MTARC2: variants seen among roughly 807,000 people sequenced by gnomAD.
MTARC2 encodes the protein mitochondrial amidoxime reducing component 2, also known as MOCO sulphurase C-terminal domain containing 2.
In MTARC2, 27 loss-of-function variants were observed where a neutral mutation model predicts 35.6. That is an observed-to-expected ratio of 0.76 (90% CI 0.56 to 1.04). The LOEUF (loss-of-function observed/expected upper bound fraction) is 1.04, where lower values mean the gene tolerates loss of function less well. MTARC2 is among the 50% of genes least tolerant of loss of function. The probability of loss-of-function intolerance (pLI) is 0.00; values close to 1 mark genes in which losing one functional copy is unlikely to be tolerated. For synonymous variants in MTARC2, 158 were observed against 167.1 expected (o/e 0.95, Z 0.42); for missense variants, 412 against 432.5 (o/e 0.95, Z 0.42).
chr1:220,755,091 G>A lies in MTARC2; in HGVS notation c.417G>A (p.Gln139=). 2 of 1,611,154 alleles carry A rather than the reference G, an allele frequency of 1.2e-6. No individual in the cohort carries two copies. Among genetic ancestry groups the A allele is most frequent in the Non-Finnish European group, 1.7e-6 (2 of 1,178,760 alleles). The change falls in exon 2 of 8, where the codon CAG becomes CAA. Residue 139 remains glutamine (Q), a synonymous_variant. Transcript: ENST00000366913. The stretch of plus-strand genomic sequence containing the variant: ...ACCAGCTGGTTTTGCCTAGCAAGCA[G>A]CCTTCCTCAAACAAACTCCACAACT... ...DMDQLVLPSK[Q]PSSNKLHNCR...
At position 220,761,695 on chromosome 1, in the gene MTARC2, A is replaced by G. The variant is rs1486878442; in HGVS notation, c.484A>G (p.Asn162Asp). 8 of 1,613,950 alleles carry G rather than the reference A, an allele frequency of 5.0e-6. No homozygotes were observed. In the South Asian group the frequency reaches 7.7e-5, roughly 16 times the overall value. The change falls in exon 3 of 8, where the codon AAT becomes GAT. Residue 162 changes from asparagine (N) to aspartate (D), a missense_variant. Asn to Asp is a conservative substitution (Grantham distance 23, BLOSUM62 1). Transcript: ENST00000366913. Reference protein sequence around the residue: ...GLDIKGRDCGNEAAKWFTNFL... With the variant: ...GLDIKGRDCGDEAAKWFTNFL... ...TGACATTAAAGGCAGAGACTGTGGC[A>G]ATGAGGCAGCTAAGTGGTTCACCAA...
rs77576961 is a variant in MTARC2, at chr1:220,778,593, G to A, written c.751-1425G>A. Among the ~76,000 whole-genome samples the A allele has an allele frequency of 5.5e-3, 840 of 152,312 alleles. 6 individuals carry two copies. The East Asian group carries it at 0.056, about 10-fold the overall frequency. ...AACAGTAGGGATGACAATCCGATAT[G>A]AGATTTGGTGGGGACACAGATCCAA... On this transcript the variant is annotated intron_variant, in intron 4 of 7. Coordinates refer to ENST00000366913, the MANE Select transcript of MTARC2 (RefSeq NM_017898.5).
intron 2 of MTARC2, among the ~76,000 whole-genome samples, chr1:220,755,343 G>A (rs138665045): frequency 2.2e-3 from 332 of 152,234 alleles, no homozygotes; most frequent in African/African-American, 7.6e-3. Flanking sequence ...GGTTAGACAC[G>A]CAGACATAGA....
intron 2 of MTARC2, among the ~76,000 whole-genome samples, chr1:220,755,690 G>C (rs1306873658): frequency 6.6e-6 from 1 of 152,164 alleles, no homozygotes; most frequent in Non-Finnish European, 1.5e-5. Context: ...GCAGACTCTG[G>C]ATGGGTTGGT....
chr1:220,764,759 G>A (rs377194108), intron 4 of MTARC2, among the ~76,000 whole-genome samples: 3 of 150,762 alleles, frequency 2.0e-5, no homozygotes, highest in African/African-American at 2.4e-5. Flanking sequence ...GTGACAGAGC[G>A]AGAACCTGTG....
chr1:220,780,446 G>C (rs1376194737), intron 6 of MTARC2, among the ~76,000 whole-genome samples: 1 of 144,714 alleles, frequency 6.9e-6, no homozygotes, highest in Admixed American at 7.2e-5. Context: ...CTAGTGCTTT[G>C]GATAAACTTT....
chr1:220,777,974 G>A (rs1671962300), intron 4 of MTARC2, among the ~76,000 whole-genome samples: 2 of 152,164 alleles, frequency 1.3e-5, no homozygotes, highest in Admixed American at 1.3e-4. Flanking sequence ...GGGTGCGGTG[G>A]CTTACACCCT....
At chr1:220,754,220 T>C (rs1409512738) in intron 1 of MTARC2, 1 of 428,156 alleles carries the variant, frequency 2.3e-6, no homozygotes, top group Middle Eastern at 3.4e-4. Flanking sequence ...CCTAACCAAC[T>C]GGGCCTGGCC....
chr1:220,748,859 G>A (rs575525971), intron 1 of MTARC2, 56 bp downstream of exon 1: 1 of 1,486,104 alleles, frequency 6.7e-7, no homozygotes, highest in South Asian at 1.3e-5. Flanking sequence ...TGAGGAGCGG[G>A]GGGGCAGGTG....
intron 4 of MTARC2, among the ~76,000 whole-genome samples, chr1:220,771,296 C>CAAAAAAA (rs57776178): frequency 0.08 from 4,540 of 57,026 alleles, 618 homozygotes; most frequent in African/African-American, 0.15. Flanking sequence ...GAGACTGTCT[C>CAAAAAAA]AAAAAAAAAA....
At chr1:220,748,838 C>T in intron 1 of MTARC2, 35 bp downstream of exon 1, 2 of 1,531,322 alleles carry the variant, frequency 1.3e-6, no homozygotes, top group Non-Finnish European at 1.8e-6. Context: ...CAGCGCGGAG[C>T]CTGCCTGGGA....
chr1:220,772,873 A>G (rs1671783449), intron 4 of MTARC2, among the ~76,000 whole-genome samples: 1 of 152,212 alleles, frequency 6.6e-6, no homozygotes, highest in Non-Finnish European at 1.5e-5. Context: ...AATAGAAAAA[A>G]TAACTTTCGG....
At chr1:220,763,452 A>G (rs1296422985) in intron 4 of MTARC2, among the ~76,000 whole-genome samples, 1 of 152,240 alleles carries the variant, frequency 6.6e-6, no homozygotes, top group African/African-American at 2.4e-5. Flanking sequence ...CCCAAAGTGC[A>G]GACCAAGAGG....
intron 4 of MTARC2, among the ~76,000 whole-genome samples, chr1:220,773,452 T>C (rs975866164): frequency 6.6e-6 from 1 of 152,136 alleles, no homozygotes; most frequent in Admixed American, 6.5e-5. Flanking sequence ...AGTAAAGCCT[T>C]TTTTGAGTTC....
chr1:220,763,090 G>A, intron 4 of MTARC2, 40 bp downstream of exon 4: 1 of 1,613,970 alleles, frequency 6.2e-7, no homozygotes, highest in Non-Finnish European at 8.5e-7. Flanking sequence ...GCTCAGATGT[G>A]CTGCTCGCGG....
chr1:220,760,936 T>G (rs2102550810), intron 2 of MTARC2, among the ~76,000 whole-genome samples: 1 of 152,336 alleles, frequency 6.6e-6, no homozygotes, highest in Non-Finnish European at 1.5e-5. Flanking sequence ...AAAAGCATAA[T>G]GTAATCATTT....
intron 4 of MTARC2, among the ~76,000 whole-genome samples, chr1:220,764,342 T>C (rs1254796096): frequency 6.6e-6 from 1 of 152,108 alleles, no homozygotes; most frequent in Non-Finnish European, 1.5e-5. Flanking sequence ...ATCCACCTGC[T>C]TCAGCCTCCC....
intron 2 of MTARC2, among the ~76,000 whole-genome samples, chr1:220,755,532 CA>C (rs773334787): frequency 1.2e-4 from 18 of 152,052 alleles, no homozygotes; most frequent in Admixed American, 2.6e-4. Flanking sequence ...AGAAGCAAGG[CA>C]GGGGCGGCAG....
chr1:220,761,663 T>C lies in MTARC2; in HGVS notation c.452T>C (p.Phe151Ser), dbSNP rs764067663. 4 of 1,609,534 alleles carry C rather than the reference T, an allele frequency of 2.5e-6. No homozygotes were observed. The highest frequency in any genetic ancestry group is 3.4e-6 in the Non-Finnish European group (4 of 1,178,896). Reference sequence around the variant, plus strand: ...TTCTTTTGTGACCTTTCCAGGATATTTGGCCTTGACATTAAAGGCAGAGAC... The same window carrying C: ...TTCTTTTGTGACCTTTCCAGGATATCTGGCCTTGACATTAAAGGCAGAGAC... ...SSNKLHNCRI[F>S]GLDIKGRDCG... The change falls in exon 3 of 8, where the codon TTT becomes TCT. Residue 151 changes from phenylalanine to serine, a missense_variant. Coordinates refer to ENST00000366913, the MANE Select transcript of MTARC2 (RefSeq NM_017898.5).
Sources: allele counts gnomAD v4.1 joint callset (sites outside exome capture counted in the v4.1 genomes callset), GRCh38; gene constraint gnomAD v4.1.1; transcripts MANE v1.5; gene names NCBI Gene and HGNC (gene_info 2026-07-23, HGNC 2026-07-21).